The following FBXO40 variants were observed in gnomAD, a reference collection of about 807,000 sequenced individuals.
The protein encoded by FBXO40 is F-box only protein 40.
FBXO40 carries 50 observed loss-of-function variants against 49.9 expected under a neutral mutation model. That is an observed-to-expected ratio of 1.00 (90% confidence interval 0.80 to 1.27). The LOEUF (loss-of-function observed/expected upper bound fraction) is 1.27. FBXO40 is among the 50% of genes most tolerant of loss of function. FBXO40 has a pLI of 0.00. For synonymous variants in FBXO40, 340 were observed against 320.2 expected (o/e 1.06, Z -0.66); for missense variants, 895 against 870.1 (o/e 1.03, Z -0.36).
intron 2 of FBXO40, 49 bp downstream of exon 2, chr3:121,620,627 T>C (rs1193534614): frequency 1.2e-6 from 2 of 1,611,800 alleles, no homozygotes; most frequent in South Asian, 2.2e-5. Flanking sequence ...GGTCCAGGTC[T>C]TCCTTCATTT....
At position 121,627,980 on chromosome 3, in the gene FBXO40, C is replaced by G; in HGVS notation, c.*1070C>G. 1 of 398,594 alleles carries G rather than the reference C, an allele frequency of 2.5e-6. No homozygotes were observed. The highest frequency in any genetic ancestry group is 4.4e-6 in the Non-Finnish European group (1 of 226,068). The allele number at this position is 398,594 out of a possible 1,614,324, so 24.7% of individuals were successfully genotyped here. ...TGAACATAACGGCTCCCTGAAATTG[C>G]TCCTACCCATCCATATTTCTGGTCA... On this transcript the variant is annotated 3_prime_UTR_variant, in exon 4 of 4. Transcript: ENST00000338040.
In FBXO40 at chr3:121,621,920, C is replaced by A. The variant is rs753621120; in HGVS notation, c.491C>A (p.Thr164Asn). Reference sequence around the variant, plus strand: ...GAGGAACCAACTATGAATGGTGAAACCAGTGTGGAGGAAATGGGAGGAGCA... The same window carrying A: ...GAGGAACCAACTATGAATGGTGAAAACAGTGTGGAGGAAATGGGAGGAGCA... ...TEEEPTMNGE[T>N]SVEEMGGAVG... The change falls in exon 3 of 4, where the codon ACC (threonine) becomes AAC (asparagine). Residue 164 changes from threonine (T) to asparagine (N), a missense_variant. By Grantham distance (65) the Thr-to-Asn change is moderately conservative. Coordinates refer to ENST00000338040, the MANE Select transcript of FBXO40 (RefSeq NM_016298.4). The A allele has an allele frequency of 2.5e-6, 4 of 1,614,080 alleles. No homozygotes were observed. In the Admixed American group the frequency reaches 6.7e-5, roughly 27 times the overall value.
At position 121,622,039 on chromosome 3, in the gene FBXO40, G is replaced by A; in HGVS notation, c.610G>A (p.Ala204Thr). 1 of 1,614,234 alleles carries A rather than the reference G, an allele frequency of 6.2e-7. No individual in the cohort carries two copies. Among genetic ancestry groups the A allele is most frequent in the African/African-American group, 1.3e-5 (1 of 75,064 alleles). The stretch of plus-strand genomic sequence containing the variant: ...AAGTCAAGAAGAACGGGAGGTGCTA[G>A]CCAAAACCAAAGAAGGGATGGACCT... Reference protein sequence around the residue: ...ELSQEEREVLAKTKEGMDLVK... With the variant: ...ELSQEEREVLTKTKEGMDLVK... Residue 204 changes from alanine (A) to threonine (T), a missense_variant, in exon 3 of 4, where the codon GCC (alanine) becomes ACC (threonine). Coordinates refer to ENST00000338040, the MANE Select transcript of FBXO40 (RefSeq NM_016298.4).
rs137900064 is a variant in FBXO40, at chr3:121,597,658, C to CTTT, written c.-31+4156_-31+4157insTTT. Among the ~76,000 whole-genome samples the CTTT allele has an allele frequency of 6.0e-4, 77 of 127,844 alleles. 2 individuals carry two copies. The highest frequency in any genetic ancestry group is 6.9e-4 in the Non-Finnish European group (43 of 62,118). 83.9% of individuals were successfully genotyped at this position (127,844 alleles called of 152,430 possible). A position where few individuals can be genotyped will look rare whatever the true frequency, so the allele number is the denominator to read the frequency against. On this transcript the variant is annotated intron_variant, in intron 1 of 3. Transcript: ENST00000338040. ...CAACCCTATTGGTTATTATAGGCCC[C>CTTT]CTTTTTTTTTTTTTTTTTTTTGAGA...
intron 1 of FBXO40, among the ~76,000 whole-genome samples, chr3:121,605,958 G>A (rs1329147715): frequency 6.6e-6 from 1 of 152,152 alleles, no homozygotes; most frequent in Non-Finnish European, 1.5e-5. Flanking sequence ...TGTAAGAAAA[G>A]ATTTGAACCT....
chr3:121,622,403 C>T lies in FBXO40; in HGVS notation c.974C>T (p.Pro325Leu). Residue 325 changes from proline (P) to leucine (L), a missense_variant, in exon 3 of 4, where the codon CCT (proline) becomes CTT (leucine). Coordinates refer to ENST00000338040, the MANE Select transcript of FBXO40 (RefSeq NM_016298.4). ...ATGCTGATACACTTTGGTCAGATGC[C>T]TGCTTGTACACCCAAGGAGAGAGAC... ...GRMLIHFGQM[P>L]ACTPKERDFV... 1 of 1,614,186 alleles carries T rather than the reference C, an allele frequency of 6.2e-7. No individual in the cohort carries two copies. The highest frequency in any genetic ancestry group is 1.1e-5 in the South Asian group (1 of 91,082).
At chr3:121,624,556 T>G (rs930742194) in intron 3 of FBXO40, among the ~76,000 whole-genome samples, 5 of 152,142 alleles carry the variant, frequency 3.3e-5, no homozygotes, top group African/African-American at 4.8e-5. Context: ...TTACCCTCCA[T>G]CTTCCAGTGG....
Position 121,621,578 on chromosome 3 carries a change from A to G in FBXO40, c.149A>G (p.Lys50Arg), listed in dbSNP as rs187581198. ...TGTGGTGCCACCTTCCACATGTGCA[A>G]AGAGGCAGAGCACCAGCTCCTCTGC... ...LLCGATFHMC[K>R]EAEHQLLCPL... is the part of the protein sequence containing the mutation. The change falls in exon 3 of 4, where the codon AAA (lysine) becomes AGA (arginine). Residue 50 changes from lysine to arginine, a missense_variant. Physicochemically the swap from Lys to Arg is conservative, Grantham distance 26. Coordinates refer to ENST00000338040, the MANE Select transcript of FBXO40 (RefSeq NM_016298.4). 1 of 1,614,208 alleles carries G rather than the reference A, an allele frequency of 6.2e-7. No homozygotes were observed. Among genetic ancestry groups the G allele is most frequent in the South Asian group, 1.1e-5 (1 of 91,080 alleles).
Position 121,599,716 on chromosome 3 carries a change from ATATATATATTTT to A in FBXO40, c.-31+6216_-31+6227del, listed in dbSNP as rs1248573518. On this transcript the variant is annotated intron_variant, in intron 1 of 3. Coordinates refer to ENST00000338040, the MANE Select transcript of FBXO40 (RefSeq NM_016298.4). ...CACACACACACACACATATATATAT[ATATATATATTTT>A]TTTTTTTTTTTGGAGACGGAGTCTC... 1.2e-4 allele frequency among the ~76,000 whole-genome samples: 11 copies of A among 91,086 alleles called. No homozygotes were observed. The East Asian group carries it at 3.2e-3, about 26-fold the overall frequency. 59.8% of individuals were successfully genotyped at this position (91,086 alleles called of 152,430 possible).
At chr3:121,601,031 G>A (rs963406230) in intron 1 of FBXO40, among the ~76,000 whole-genome samples, 1 of 152,114 alleles carries the variant, frequency 6.6e-6, no homozygotes, top group Non-Finnish European at 1.5e-5. Context: ...CCTACTTAAG[G>A]TGATCAATCA....
Position 121,627,132 on chromosome 3 carries a change from T to C in FBXO40, c.*222T>C. On this transcript the variant is annotated 3_prime_UTR_variant, in exon 4 of 4. Coordinates refer to ENST00000338040, the MANE Select transcript of FBXO40 (RefSeq NM_016298.4). ...CCACATTGATGACTTGTTTCCTTTT[T>C]TCTTTTCTTTTCTTTTCTTTTTTCT... 1.9e-6 allele frequency: 1 copy of C among 523,602 alleles called. No individual in the cohort carries two copies. Among genetic ancestry groups the C allele is most frequent in the Admixed American group, 3.4e-5 (1 of 29,694 alleles). The allele number at this position is 523,602 out of a possible 1,614,324, so 32.4% of individuals were successfully genotyped here.
At chr3:121,616,575 T>C (rs891930385) in intron 1 of FBXO40, among the ~76,000 whole-genome samples, 6 of 152,236 alleles carry the variant, frequency 3.9e-5, no homozygotes, top group Admixed American at 2.6e-4. Flanking sequence ...TATTGACCAG[T>C]GCAGATCTAT....
chr3:121,607,589 G>T (rs1433437687), intron 1 of FBXO40, among the ~76,000 whole-genome samples: 1 of 152,014 alleles, frequency 6.6e-6, no homozygotes, highest in Non-Finnish European at 1.5e-5. Context: ...GATTACAGGC[G>T]TGAGCCACCG....
rs770193085 is a variant in FBXO40 at position 121,621,783 on chromosome 3, G to A, written c.354G>A (p.Glu118=). ...CCCTTCATGAAAACATCATGAAAGA[G>A]ACCCCCAGTGAGGAGTGTTTGGACA... ...ETTLHENIMK[E]TPSEECLDTA... Residue 118 remains glutamate (E), a synonymous_variant, in exon 3 of 4, where the codon GAG becomes GAA. Coordinates refer to ENST00000338040, the MANE Select transcript of FBXO40 (RefSeq NM_016298.4). The A allele has an allele frequency of 1.9e-6, 3 of 1,614,216 alleles. No individual in the cohort carries two copies. The highest frequency in any genetic ancestry group is 1.7e-6 in the Non-Finnish European group (2 of 1,180,046).
intron 1 of FBXO40, among the ~76,000 whole-genome samples, chr3:121,600,194 AT>A (rs71133558): frequency 0.36 from 31,365 of 87,878 alleles, 4,529 homozygotes; most frequent in East Asian, 0.56. Flanking sequence ...CACTTGGCTG[AT>A]TTTTTTTTTT....
rs910509636 is a variant in FBXO40 at position 121,628,070 on chromosome 3, A to G, written c.*1160A>G. 2.5e-5 allele frequency: 10 copies of G among 397,554 alleles called. No individual in the cohort carries two copies. The highest frequency in any genetic ancestry group is 2.1e-4 in the African/African-American group (10 of 48,642). 24.6% of individuals were successfully genotyped at this position (397,554 alleles called of 1,614,324 possible). ...TGGTAACAAACAGTGAATATTCATA[A>G]GAACAAAAGTAAAAGAAAAAAAGAC... On this transcript the variant is annotated 3_prime_UTR_variant, in exon 4 of 4. Coordinates refer to ENST00000338040, the MANE Select transcript of FBXO40 (RefSeq NM_016298.4).
rs140036953 is a variant in FBXO40, at chr3:121,617,410, G to A, written c.-30-3136G>A. ...AGAGATCGAGACCATCCTGGACAAC[G>A]TGGTGAAACCCCGTCTCTACTAAAA... On this transcript the variant is annotated intron_variant, in intron 1 of 3. Coordinates refer to ENST00000338040, the MANE Select transcript of FBXO40 (RefSeq NM_016298.4). Among the ~76,000 whole-genome samples the A allele has an allele frequency of 1.2e-3, 182 of 151,428 alleles. 1 individual carries two copies. The East Asian group carries it at 0.034, about 28-fold the overall frequency.
intron 3 of FBXO40, among the ~76,000 whole-genome samples, chr3:121,623,558 G>A (rs895944168): frequency 3.0e-4 from 46 of 152,102 alleles, no homozygotes; most frequent in African/African-American, 1.1e-3. Context: ...ATTGAGATGG[G>A]GTCTTACTGT....
chr3:121,622,585 A>G lies in FBXO40; in HGVS notation c.1156A>G (p.Thr386Ala). 1 of 1,614,248 alleles carries G rather than the reference A, an allele frequency of 6.2e-7. No homozygotes were observed. Among genetic ancestry groups the G allele is most frequent in the South Asian group, 1.1e-5 (1 of 91,082 alleles). ...AGTGGATACTTCAGATTTGGGGATC[A>G]CTGTGGAGGACCTGCCCAAATCAGA... ...KAVDTSDLGI[T>A]VEDLPKSDLI... is the part of the protein sequence containing the mutation. The change falls in exon 3 of 4, where the codon ACT becomes GCT. Residue 386 changes from threonine to alanine, a missense_variant. Coordinates refer to ENST00000338040, the MANE Select transcript of FBXO40 (RefSeq NM_016298.4).
Sources: allele counts gnomAD v4.1 joint callset (sites outside exome capture counted in the v4.1 genomes callset), GRCh38; gene constraint gnomAD v4.1.1; transcripts MANE v1.5; gene names NCBI Gene and HGNC (gene_info 2026-07-23, HGNC 2026-07-21).